The following SENP6 variants were observed in gnomAD, a reference collection of about 807,000 sequenced individuals.
SENP6 encodes SUMO specific peptidase 6.
A neutral mutation model predicts 134.5 loss-of-function variants in SENP6; 41 were observed. The observed-to-expected ratio is 0.30, with a 90% CI of 0.24 to 0.40. SENP6 has a LOEUF of 0.40. Ranked by LOEUF, SENP6 falls within the 10% of genes least tolerant of loss-of-function variation. The probability of loss-of-function intolerance (pLI) is 1.00; values close to 1 mark genes in which losing one functional copy is unlikely to be tolerated. For missense variants in SENP6, 1,248 were observed against 1,312.5 expected (o/e 0.95, Z 0.76); for synonymous variants, 395 against 429.8 (o/e 0.92, Z 1.00).
chr6:75,709,959 C>G (rs1246346662), intron 20 of SENP6, among the ~76,000 whole-genome samples: 3 of 152,158 alleles, frequency 2.0e-5, no homozygotes, highest in Non-Finnish European at 4.4e-5. Context: ...TAAATGTATA[C>G]ATGCTGTTGT....
chr6:75,633,738 TCAC>T lies in SENP6; in HGVS notation c.353+16_353+18del. ...AATAAGAAATTGAGGTATAGGCACT[TCAC>T]CACACATTCCTACAGAAAAGATAAA... On this transcript the variant is annotated intron_variant, in intron 4 of 23. Coordinates refer to ENST00000447266, the MANE Select transcript of SENP6 (RefSeq NM_015571.4). The T allele has an allele frequency of 6.3e-7, 1 of 1,587,244 alleles. No individual in the cohort carries two copies. The highest frequency in any genetic ancestry group is 8.5e-7 in the Non-Finnish European group (1 of 1,171,038).
At chr6:75,695,773 A>C (rs775783086) in intron 16 of SENP6, 31 bp from the exon 17 acceptor site, 1 of 1,500,770 alleles carries the variant, frequency 6.7e-7, no homozygotes, top group Non-Finnish European at 9.0e-7. Context: ...CTGTTACATT[A>C]ATTATATTTG....
intron 7 of SENP6, among the ~76,000 whole-genome samples, chr6:75,650,197 G>A (rs1770763045): frequency 6.6e-6 from 1 of 152,174 alleles, no homozygotes; most frequent in Non-Finnish European, 1.5e-5. Flanking sequence ...CCACAGAAAT[G>A]ATGTTGTGGC....
At chr6:75,638,547 G>T (rs1410240178) in intron 5 of SENP6, among the ~76,000 whole-genome samples, 19 of 121,306 alleles carry the variant, frequency 1.6e-4, no homozygotes, top group Admixed American at 1.5e-3. Flanking sequence ...ATGTGTCTTT[G>T]TGTGTGTAGT....
intron 1 of SENP6, among the ~76,000 whole-genome samples, chr6:75,617,100 A>G (rs906407948): frequency 2.0e-5 from 3 of 151,818 alleles, no homozygotes; most frequent in African/African-American, 7.3e-5. Context: ...GCTGGTCTCA[A>G]ACTCCTGGGC....
Position 75,602,420 on chromosome 6 carries a change from G to T in SENP6, c.-105G>T. 1 of 1,355,648 alleles carries T rather than the reference G, an allele frequency of 7.4e-7. No homozygotes were observed. The highest frequency in any genetic ancestry group is 1.0e-6 in the Non-Finnish European group (1 of 981,830). The allele number at this position is 1,355,648 out of a possible 1,614,324, so 84.0% of individuals were successfully genotyped here. Reference sequence around the variant, plus strand: ...CGCCTGACGGCTGAGCCCGAGGCCCGCAACCCTGCGGCGTCTACCCTCCTC... The same window carrying T: ...CGCCTGACGGCTGAGCCCGAGGCCCTCAACCCTGCGGCGTCTACCCTCCTC... On this transcript the variant is annotated 5_prime_UTR_variant, in exon 1 of 24. Coordinates refer to ENST00000447266, the MANE Select transcript of SENP6 (RefSeq NM_015571.4).
At chr6:75,695,767 T>TA (rs1192588006) in intron 16 of SENP6, 37 bp from the exon 17 acceptor site, 1 of 1,480,112 alleles carries the variant, frequency 6.8e-7, no homozygotes, top group Admixed American at 2.1e-5. Flanking sequence ...AGTGAACTGT[T>TA]ACATTAATTA....
intron 3 of SENP6, among the ~76,000 whole-genome samples, chr6:75,625,941 ATAG>A (rs1196519177): frequency 1.3e-5 from 2 of 152,232 alleles, no homozygotes; most frequent in Non-Finnish European, 2.9e-5. Context: ...TAGTTTCACA[ATAG>A]TAATACCAAC....
intron 16 of SENP6, among the ~76,000 whole-genome samples, chr6:75,681,818 C>T (rs1419870969): frequency 1.3e-5 from 2 of 151,854 alleles, no homozygotes; most frequent in Non-Finnish European, 2.9e-5. Flanking sequence ...CACTTGAGGC[C>T]AGGAGTTTGA....
At chr6:75,690,362 C>T (rs955297578) in intron 16 of SENP6, among the ~76,000 whole-genome samples, 6 of 152,134 alleles carry the variant, frequency 3.9e-5, no homozygotes, top group Non-Finnish European at 8.8e-5. Context: ...CATTTCCTTC[C>T]TTAAAAAGGA....
intron 5 of SENP6, among the ~76,000 whole-genome samples, chr6:75,638,714 C>T (rs1310675748): frequency 7.0e-6 from 1 of 142,354 alleles, no homozygotes; most frequent in Non-Finnish European, 1.5e-5. Context: ...CCCGTTTCTT[C>T]TACCTCTGTT....
intron 19 of SENP6, among the ~76,000 whole-genome samples, chr6:75,703,531 T>C (rs1582897966): frequency 6.6e-6 from 1 of 152,016 alleles, no homozygotes; most frequent in East Asian, 1.9e-4. Context: ...GAGGCCAAGA[T>C]GGGCAGATCA....
intron 23 of SENP6, 115 bp downstream of exon 23, chr6:75,713,940 C>A: frequency 1.2e-6 from 1 of 833,840 alleles, no homozygotes. Context: ...ATTATTGTTT[C>A]AAAAATTATT....
At chr6:75,656,596 C>T (rs994547638) in intron 7 of SENP6, among the ~76,000 whole-genome samples, 1 of 152,152 alleles carries the variant, frequency 6.6e-6, no homozygotes. Context: ...AAGTGTTTTT[C>T]TCTTCTTTCC....
chr6:75,701,016 C>T (rs1221679132), intron 18 of SENP6, among the ~76,000 whole-genome samples: 4 of 152,240 alleles, frequency 2.6e-5, no homozygotes, highest in Admixed American at 2.6e-4. Context: ...ATGAAGCCAG[C>T]CAGCCTATGA....
chr6:75,705,131 C>T (rs1775302472), intron 19 of SENP6, among the ~76,000 whole-genome samples: 1 of 152,212 alleles, frequency 6.6e-6, no homozygotes, highest in African/African-American at 2.4e-5. Context: ...ATTCCTCACT[C>T]TCCTTCACTG....
rs548254610 is a variant in SENP6 at position 75,716,870 on chromosome 6, T to G, written c.*1276T>G. ...ATCAGCAATTATTTTATTTTTAATTTGGCCATCTCTGACATTGCAGTCAAT... is the reference window on the plus strand; with the variant it reads ...ATCAGCAATTATTTTATTTTTAATTGGGCCATCTCTGACATTGCAGTCAAT... On this transcript the variant is annotated 3_prime_UTR_variant, in exon 24 of 24. Coordinates refer to ENST00000447266, the MANE Select transcript of SENP6 (RefSeq NM_015571.4). 1.3e-5 allele frequency: 2 copies of G among 152,114 alleles called. No individual in the cohort carries two copies. The highest frequency in any genetic ancestry group is 4.8e-5 in the African/African-American group (2 of 41,570). 9.4% of individuals were successfully genotyped at this position (152,114 alleles called of 1,614,324 possible).
intron 16 of SENP6, among the ~76,000 whole-genome samples, chr6:75,691,943 G>A (rs1472180425): frequency 1.3e-5 from 2 of 151,886 alleles, no homozygotes; most frequent in Non-Finnish European, 1.5e-5. Context: ...TGCAACATCC[G>A]CCTCCCGGGT....
intron 18 of SENP6, among the ~76,000 whole-genome samples, chr6:75,701,386 T>C (rs1157047145): frequency 6.6e-6 from 1 of 152,230 alleles, no homozygotes; most frequent in Non-Finnish European, 1.5e-5. Context: ...ACCTACTTGA[T>C]AGCTGGAACT....
Sources: allele counts gnomAD v4.1 joint callset (sites outside exome capture counted in the v4.1 genomes callset), GRCh38; gene constraint gnomAD v4.1.1; transcripts MANE v1.5; gene names NCBI Gene and HGNC (gene_info 2026-07-23, HGNC 2026-07-21).